Variants in BEND4 observed in about 807,000 individuals in gnomAD.
BEND4 encodes the protein BEN domain containing 4.
Under a neutral mutation model 54.7 loss-of-function variants are expected in BEND4, and 27 were observed. The observed-to-expected ratio is 0.49, with a 90% CI of 0.36 to 0.68. The LOEUF (loss-of-function observed/expected upper bound fraction) is 0.68. BEND4 is among the 30% of genes least tolerant of loss of function. The pLI is 0.00. For synonymous variants in BEND4, 327 were observed against 299.5 expected, an observed-to-expected ratio of 1.09 and a Z score of -0.95; for missense variants, 702 against 697.2, an observed-to-expected ratio of 1.01 and a Z score of -0.08.
In BEND4 at chr4:42,125,595, G is replaced by C; in HGVS notation, c.1134C>G (p.Asp378Glu). Residue 378 changes from aspartate to glutamate, a missense_variant, in exon 4 of 6, where the codon GAC becomes GAG. By Grantham distance (45) the Asp-to-Glu change is conservative. Transcript: ENST00000502486. ...ACCAGAGACCTACCTCTGTCGGCTG[G>C]TCAGCTGGCTGTGGTATCAGGAGTT... Reference protein sequence around the residue: ...HNQLLIPQPADQPTEGSKQLL... With the variant: ...HNQLLIPQPAEQPTEGSKQLL... 1 of 1,613,466 alleles carries C rather than the reference G, an allele frequency of 6.2e-7. No individual in the cohort carries two copies. Among genetic ancestry groups the C allele is most frequent in the Non-Finnish European group, 8.5e-7 (1 of 1,179,468 alleles).
At chr4:42,125,756 T>G in intron 3 of BEND4, 82 bp from the exon 4 acceptor site, 1 of 971,896 alleles carries the variant, frequency 1.0e-6, no homozygotes. Flanking sequence ...TTTTTTTTTT[T>G]TTAAACAGAG....
chr4:42,142,118 G>A (rs1048759159), intron 3 of BEND4, among the ~76,000 whole-genome samples: 3 of 151,526 alleles, frequency 2.0e-5, no homozygotes, highest in Non-Finnish European at 4.4e-5. Flanking sequence ...TGTTAGCCAG[G>A]ATGGTCTCGA....
intron 3 of BEND4, among the ~76,000 whole-genome samples, chr4:42,141,763 G>A (rs1326918714): frequency 2.0e-5 from 3 of 151,870 alleles, no homozygotes; most frequent in African/African-American, 7.3e-5. Context: ...CAAAAAAAAG[G>A]ATATAACTTA....
At chr4:42,141,786 T>A (rs1258425807) in intron 3 of BEND4, among the ~76,000 whole-genome samples, 1 of 152,222 alleles carries the variant, frequency 6.6e-6, no homozygotes. Flanking sequence ...TTTATGCATA[T>A]GTATCAGCAT....
In BEND4 at chr4:42,152,238, C is replaced by T. The variant is rs536317530; in HGVS notation, c.-95G>A. 13 of 1,172,372 alleles carry T rather than the reference C, an allele frequency of 1.1e-5. No individual in the cohort carries two copies. The African/African-American group carries it at 2.1e-4, about 19-fold the overall frequency. The allele number at this position is 1,172,372 out of a possible 1,614,324, so 72.6% of individuals were successfully genotyped here. A position where few individuals can be genotyped will look rare whatever the true frequency, so the allele number is the denominator to read the frequency against. On this transcript the variant is annotated 5_prime_UTR_variant, in exon 2 of 6. Coordinates refer to ENST00000502486, the MANE Select transcript of BEND4 (RefSeq NM_207406.4). ...CCGCCGCCTGCCCGCCGGGTCTGCCCTGGTGCGCGCGTGTGGGAGGGTGTG... is the reference window on the plus strand; with the variant it reads ...CCGCCGCCTGCCCGCCGGGTCTGCCTTGGTGCGCGCGTGTGGGAGGGTGTG...
In BEND4 at chr4:42,151,875, G is replaced by C. The variant is rs1272020327; in HGVS notation, c.269C>G (p.Pro90Arg). The change falls in exon 2 of 6, where the codon CCC becomes CGC. Residue 90 changes from proline (P) to arginine (R), a missense_variant. Physicochemically the swap from Pro to Arg is moderately radical, Grantham distance 103. Transcript: ENST00000502486. ...FQAQSSYPPGPGRAAAAASSS... is the reference protein window; with the variant it reads ...FQAQSSYPPGRGRAAAAASSS... The stretch of plus-strand genomic sequence containing the variant: ...CGAAGCGGCGGCGGCGGCCCGGCCG[G>C]GCCCGGGGGGGTAGGAGCTCTGCGC... 7.7e-7 allele frequency: 1 copy of C among 1,306,614 alleles called. No individual in the cohort carries two copies. The highest frequency in any genetic ancestry group is 4.2e-5 in the Admixed American group (1 of 23,764). 80.9% of individuals were successfully genotyped at this position (1,306,614 alleles called of 1,614,324 possible). A position where few individuals can be genotyped will look rare whatever the true frequency, so the allele number is the denominator to read the frequency against.
intron 4 of BEND4, among the ~76,000 whole-genome samples, chr4:42,122,046 C>T (rs1720087119): frequency 2.0e-5 from 3 of 151,998 alleles, no homozygotes; most frequent in Admixed American, 1.3e-4. Context: ...GGGGTGAAAT[C>T]GGGGGGCTGG....
In BEND4 at chr4:42,111,278, A is replaced by C. The variant is rs757822554; in HGVS notation, c.*6240T>G. The stretch of plus-strand genomic sequence containing the variant: ...ACTCTACACAGTACAATCAAATAGA[A>C]ATTATTCATAGAGAATCAACAAGAC... On this transcript the variant is annotated 3_prime_UTR_variant, in exon 6 of 6. Coordinates refer to ENST00000502486, the MANE Select transcript of BEND4 (RefSeq NM_207406.4). 1.3e-5 allele frequency: 2 copies of C among 152,250 alleles called. No homozygotes were observed. The highest frequency in any genetic ancestry group is 2.9e-5 in the Non-Finnish European group (2 of 68,044). 9.4% of individuals were successfully genotyped at this position (152,250 alleles called of 1,614,324 possible).
At chr4:42,122,967 G>A (rs1441311199) in intron 4 of BEND4, among the ~76,000 whole-genome samples, 1 of 152,092 alleles carries the variant, frequency 6.6e-6, no homozygotes, top group Non-Finnish European at 1.5e-5. Context: ...CTAGTGATCT[G>A]GCAGCTGACA....
Position 42,117,636 on chromosome 4 carries a change from T to G in BEND4, c.1487A>C (p.Gln496Pro), listed in dbSNP as rs1180977691. 6.2e-7 allele frequency: 1 copy of G among 1,612,318 alleles called. No homozygotes were observed. The highest frequency in any genetic ancestry group is 8.5e-7 in the Non-Finnish European group (1 of 1,179,062). The stretch of plus-strand genomic sequence containing the variant: ...CAGGAAAGTCCCCACCGCCCGCCCC[T>G]GTCGGGCGTGACCGACAGCGTCGCT... ...VFSDAVGHAR[Q>P]GRAVGTFLHN... Residue 496 changes from glutamine (Q) to proline (P), a missense_variant, in exon 6 of 6, where the codon CAG becomes CCG. Transcript: ENST00000502486.
chr4:42,140,919 T>C (rs1338683871), intron 3 of BEND4, among the ~76,000 whole-genome samples: 3 of 152,174 alleles, frequency 2.0e-5, no homozygotes, highest in Non-Finnish European at 2.9e-5. Flanking sequence ...ACGACACGAT[T>C]TTCTGCCCCA....
At chr4:42,147,574 T>C (rs767306976) in intron 2 of BEND4, among the ~76,000 whole-genome samples, 1 of 151,652 alleles carries the variant, frequency 6.6e-6, no homozygotes, top group Non-Finnish European at 1.5e-5. Flanking sequence ...AGGGCTACTT[T>C]ATCCCTAACT....
At chr4:42,142,096 G>A (rs60392073) in intron 3 of BEND4, among the ~76,000 whole-genome samples, 4 of 151,402 alleles carry the variant, frequency 2.6e-5, no homozygotes, top group East Asian at 2.0e-4. Flanking sequence ...TAGTAGAGAC[G>A]GGGTTTCACC....
chr4:42,121,763 CAG>C (rs934121031), intron 4 of BEND4, among the ~76,000 whole-genome samples: 2 of 152,104 alleles, frequency 1.3e-5, no homozygotes, highest in African/African-American at 2.4e-5. Context: ...CTGTGCAGGA[CAG>C]AGAGAGGTGG....
At position 42,143,598 on chromosome 4, in the gene BEND4, G is replaced by A. The variant is rs867333263; in HGVS notation, c.884C>T (p.Ser295Phe). The A allele has an allele frequency of 6.3e-7, 1 of 1,597,890 alleles. No homozygotes were observed. Among genetic ancestry groups the A allele is most frequent in the Non-Finnish European group, 8.5e-7 (1 of 1,172,022 alleles). Reference protein sequence around the residue: ...SPVHTLGGWTSPATSESHGHP... With the variant: ...SPVHTLGGWTFPATSESHGHP... ...GCCATGGGATTCGGACGTTGCTGGG[G>A]AAGTCCAGCCACCTAATGTATGCAC... Residue 295 changes from serine to phenylalanine, a missense_variant, in exon 3 of 6, where the codon TCC becomes TTC. Transcript: ENST00000502486.
chr4:42,139,624 G>A (rs1469446325), intron 3 of BEND4, among the ~76,000 whole-genome samples: 2 of 150,950 alleles, frequency 1.3e-5, no homozygotes, highest in South Asian at 2.1e-4. Flanking sequence ...GCACTCCTCC[G>A]GAAAGGCAGA....
chr4:42,125,720 C>A (rs780442654), intron 3 of BEND4, 46 bp from the exon 4 acceptor site: 4 of 1,213,016 alleles, frequency 3.3e-6, no homozygotes, highest in Non-Finnish European at 4.6e-6. Context: ...TATCCCGTAA[C>A]ATGAAAATAA....
At chr4:42,150,745 T>C (rs2153148218) in intron 2 of BEND4, among the ~76,000 whole-genome samples, 1 of 152,314 alleles carries the variant, frequency 6.6e-6, no homozygotes, top group Non-Finnish European at 1.5e-5. Flanking sequence ...AGTGGGCTGC[T>C]TTGCCGGGCA....
At chr4:42,125,123 G>A (rs1467223589) in intron 4 of BEND4, among the ~76,000 whole-genome samples, 1 of 152,180 alleles carries the variant, frequency 6.6e-6, no homozygotes, top group Non-Finnish European at 1.5e-5. Context: ...GATTGGGAGA[G>A]ACTGTGGTTT....
Sources: allele counts gnomAD v4.1 joint callset (sites outside exome capture counted in the v4.1 genomes callset), GRCh38; gene constraint gnomAD v4.1.1; transcripts MANE v1.5; gene names NCBI Gene and HGNC (gene_info 2026-07-23, HGNC 2026-07-21).